GSAP: variants seen among roughly 807,000 people sequenced by gnomAD.
GSAP encodes gamma-secretase activating protein.
In GSAP, 118 loss-of-function variants were observed where a neutral mutation model predicts 131.7. The ratio of observed to expected loss-of-function variants is 0.90; its 90% CI spans 0.77 to 1.04. The LOEUF (loss-of-function observed/expected upper bound fraction) is 1.04. Among genes scored for constraint, GSAP ranks in the 50% least tolerant of loss-of-function variants. GSAP has a pLI of 0.00. For missense variants in GSAP, 1,019 were observed against 1,013.2 expected (o/e 1.01, Z -0.08); for synonymous variants, 381 against 363.4 (o/e 1.05, Z -0.55).
intron 23 of GSAP, 43 bp downstream of exon 23, chr7:77,326,169 G>A (rs1562905545): frequency 7.7e-7 from 1 of 1,301,034 alleles, no homozygotes; most frequent in South Asian, 1.2e-5. Flanking sequence ...TTGTCTTAGG[G>A]TTCCTTGTTT....
intron 17 of GSAP, 106 bp downstream of exon 17, chr7:77,353,466 C>A: frequency 1.5e-6 from 1 of 651,710 alleles, no homozygotes; most frequent in Non-Finnish European, 2.7e-6. Context: ...TAATGTGCTC[C>A]AAAGTAGCAT....
In GSAP at chr7:77,349,367, G is replaced by A. The variant is rs1214961181; in HGVS notation, c.1529C>T (p.Ala510Val). ...PGITLVTEDIALPLMKVLSFK... is the reference protein window; with the variant it reads ...PGITLVTEDIVLPLMKVLSFK... ...GGGACCTACCTTCATAAGAGGCAATGCAATGTCTTCTGTCACAAGAGTTAT... is the reference window on the plus strand; with the variant it reads ...GGGACCTACCTTCATAAGAGGCAATACAATGTCTTCTGTCACAAGAGTTAT... The change falls in exon 19 of 31, where the codon GCA (alanine) becomes GTA (valine). Residue 510 changes from alanine (A) to valine (V), a missense_variant. Physicochemically the swap from Ala to Val is moderately conservative, Grantham distance 64 (BLOSUM62 0). Transcript: ENST00000257626. 4 of 1,611,854 alleles carry A rather than the reference G, an allele frequency of 2.5e-6. No homozygotes were observed. The highest frequency in any genetic ancestry group is 3.3e-5 in the Admixed American group (2 of 59,986).
At chr7:77,407,694 G>C (rs935016682) in intron 1 of GSAP, among the ~76,000 whole-genome samples, 1 of 152,126 alleles carries the variant, frequency 6.6e-6, no homozygotes, top group African/African-American at 2.4e-5. Flanking sequence ...TTGTTAATGG[G>C]AGTATAAATT....
At chr7:77,408,180 C>T (rs1365126473) in intron 1 of GSAP, among the ~76,000 whole-genome samples, 2 of 152,178 alleles carry the variant, frequency 1.3e-5, no homozygotes, top group Non-Finnish European at 2.9e-5. Flanking sequence ...AAGCTGTGAA[C>T]TTATAACTTG....
chr7:77,412,073 G>A (rs1803387663), intron 1 of GSAP, among the ~76,000 whole-genome samples: 1 of 152,192 alleles, frequency 6.6e-6, no homozygotes, highest in South Asian at 2.1e-4. Context: ...CAGCTACTTG[G>A]GAGGCTGAGG....
chr7:77,411,770 A>AAT (rs35520608), intron 1 of GSAP, among the ~76,000 whole-genome samples: 14,149 of 152,224 alleles, frequency 0.093, 729 homozygotes, highest in African/African-American at 0.13. Flanking sequence ...CAGATTCAAA[A>AAT]ATATATATAT....
intron 3 of GSAP, among the ~76,000 whole-genome samples, chr7:77,403,397 G>C (rs1370688829): frequency 1.3e-5 from 2 of 152,206 alleles, no homozygotes; most frequent in Non-Finnish European, 2.9e-5. Context: ...ACCCTGAAGA[G>C]TAAGGTGACC....
At chr7:77,374,577 G>A (rs1488568736) in intron 11 of GSAP, among the ~76,000 whole-genome samples, 3 of 150,916 alleles carry the variant, frequency 2.0e-5, no homozygotes, top group Non-Finnish European at 4.4e-5. Flanking sequence ...AGCATCTCAT[G>A]TTCCCGCTAC....
At chr7:77,324,529 G>A (rs1788067875) in intron 23 of GSAP, among the ~76,000 whole-genome samples, 2 of 152,146 alleles carry the variant, frequency 1.3e-5, no homozygotes, top group East Asian at 3.8e-4. Context: ...TATTTTAGCA[G>A]GTTCACATTA....
intron 26 of GSAP, among the ~76,000 whole-genome samples, chr7:77,316,726 G>A (rs1039370759): frequency 6.6e-6 from 1 of 152,122 alleles, no homozygotes; most frequent in Non-Finnish European, 1.5e-5. Context: ...TCTATCCCCA[G>A]GGCACAGTCC....
intron 25 of GSAP, 75 bp downstream of exon 25, chr7:77,321,251 GTGCATTT>G (rs1787603422): frequency 3.6e-5 from 30 of 830,352 alleles, no homozygotes; most frequent in Non-Finnish European, 6.3e-5. Context: ...ATTTGAACTA[GTGCATTT>G]CAAAAGGGTT....
Position 77,376,829 on chromosome 7 carries a change from G to T in GSAP, c.741+19C>A. 15 of 1,110,194 alleles carry T rather than the reference G, an allele frequency of 1.4e-5. No homozygotes were observed. Among genetic ancestry groups the T allele is most frequent in the Non-Finnish European group, 1.7e-5 (13 of 751,470 alleles). The allele number at this position is 1,110,194 out of a possible 1,614,324, so 68.8% of individuals were successfully genotyped here. A position where few individuals can be genotyped will look rare whatever the true frequency, so the allele number is the denominator to read the frequency against. On this transcript the variant is annotated intron_variant, in intron 10 of 30. Transcript: ENST00000257626. ...TGTATCATAAACTTTCCTGTAGTGT[G>T]ATCATTTTCTGGACTTACCATTAAG...
At chr7:77,395,084 A>G (rs1233776654) in intron 5 of GSAP, among the ~76,000 whole-genome samples, 3 of 152,252 alleles carry the variant, frequency 2.0e-5, no homozygotes, top group Non-Finnish European at 4.4e-5. Context: ...GTAAAATTTA[A>G]AATTGGCCTG....
At chr7:77,372,083 A>C (rs1453487009) in intron 12 of GSAP, among the ~76,000 whole-genome samples, 1 of 152,216 alleles carries the variant, frequency 6.6e-6, no homozygotes, top group Non-Finnish European at 1.5e-5. Flanking sequence ...AAAAATGCTT[A>C]ACTTATGTCT....
intron 28 of GSAP, among the ~76,000 whole-genome samples, chr7:77,312,457 G>A (rs944595812): frequency 6.6e-6 from 1 of 152,158 alleles, no homozygotes; most frequent in African/African-American, 2.4e-5. Flanking sequence ...CTGAAATGGA[G>A]TTTATCTGCT....
At position 77,337,236 on chromosome 7, in the gene GSAP, T is replaced by TCCAC. The variant is rs1316986786; in HGVS notation, c.1546-6873_1546-6870dup. 2.6e-5 allele frequency among the ~76,000 whole-genome samples: 3 copies of TCCAC among 114,954 alleles called. No individual in the cohort carries two copies. In the East Asian group the frequency reaches 9.2e-4, roughly 35 times the overall value. 75.4% of individuals were successfully genotyped at this position (114,954 alleles called of 152,430 possible). ...GGCACTATCTTGGCTCACTACAACC[T>TCCAC]CCACCTCCCAGGTTCAAGGGATTCT... On this transcript the variant is annotated intron_variant, in intron 19 of 30. Transcript: ENST00000257626.
Position 77,416,202 on chromosome 7 carries a change from G to T in GSAP, c.109+11C>A. 8 of 1,099,186 alleles carry T rather than the reference G, an allele frequency of 7.3e-6. No homozygotes were observed. Among genetic ancestry groups the T allele is most frequent in the Non-Finnish European group, 8.6e-6 (7 of 810,804 alleles). The allele number at this position is 1,099,186 out of a possible 1,614,324, so 68.1% of individuals were successfully genotyped here. A position where few individuals can be genotyped will look rare whatever the true frequency, so the allele number is the denominator to read the frequency against. On this transcript the variant is annotated intron_variant, in intron 1 of 30. Transcript: ENST00000257626. ...CCGCCCCCACCCCTCTCCGCAGCGCGCCTCCCGCACCTGCGCCGCCGCTTC... is the reference window on the plus strand; with the variant it reads ...CCGCCCCCACCCCTCTCCGCAGCGCTCCTCCCGCACCTGCGCCGCCGCTTC...
intron 19 of GSAP, among the ~76,000 whole-genome samples, chr7:77,334,623 C>T (rs1789692039): frequency 8.5e-6 from 1 of 117,434 alleles, no homozygotes; most frequent in South Asian, 2.7e-4. Flanking sequence ...CCTGGGAGCA[C>T]AGGAAATCAC....
At chr7:77,407,991 G>A (rs1450022329) in intron 1 of GSAP, among the ~76,000 whole-genome samples, 1 of 152,166 alleles carries the variant, frequency 6.6e-6, no homozygotes, top group East Asian at 1.9e-4. Flanking sequence ...CCAAAAGAAG[G>A]TACAAATTGT....
Sources: gnomAD v4.1 joint callset for allele counts (sites outside exome capture counted in the v4.1 genomes callset) on GRCh38, gnomAD v4.1.1 for gene constraint, MANE v1.5 for transcripts, NCBI Gene and HGNC (gene_info 2026-07-23, HGNC 2026-07-21) for gene names.